PDE4D: variants seen among roughly 807,000 people sequenced by gnomAD.
The protein encoded by PDE4D is phosphodiesterase 4D.
PDE4D carries 24 observed loss-of-function variants against 87.4 expected under a neutral mutation model. That is an observed-to-expected ratio of 0.27 (90% CI 0.20 to 0.39). PDE4D has a LOEUF of 0.39. Among genes scored for constraint, PDE4D ranks in the 10% least tolerant of loss-of-function variants. The pLI is 1.00. For synonymous variants in PDE4D, 384 were observed against 383.2 expected (o/e 1.00, Z -0.02); for missense variants, 714 against 1,041.0 (o/e 0.69, Z 4.32).
At chr5:60,365,785 C>T (rs1039419961) in intron 1 of PDE4D, among the ~76,000 whole-genome samples, 5 of 151,954 alleles carry the variant, frequency 3.3e-5, no homozygotes, top group Admixed American at 1.3e-4. Flanking sequence ...GGCTCACCCC[C>T]GTAATCTCAG....
chr5:60,474,138 A>ATATG (rs1748114768), intron 1 of PDE4D, among the ~76,000 whole-genome samples: 1 of 96,622 alleles, frequency 1.0e-5, no homozygotes, highest in African/African-American at 6.8e-5. Flanking sequence ...ATATATATAT[A>ATATG]TATATATATA....
chr5:59,333,366 T>C (rs190434635), intron 1 of PDE4D, among the ~76,000 whole-genome samples: 52 of 152,242 alleles, frequency 3.4e-4, no homozygotes, highest in Admixed American at 2.7e-3. Flanking sequence ...ACATTAAAAA[T>C]TAGACAGAAA....
chr5:59,772,908 G>T (rs565271810), intron 1 of PDE4D, among the ~76,000 whole-genome samples: 2 of 152,292 alleles, frequency 1.3e-5, no homozygotes, highest in South Asian at 4.1e-4. Context: ...GTTACTAGTT[G>T]TGTTACTTTA....
chr5:59,000,751 C>T (rs953722693), intron 6 of PDE4D, among the ~76,000 whole-genome samples: 10 of 152,122 alleles, frequency 6.6e-5, no homozygotes, highest in Non-Finnish European at 8.8e-5. Context: ...TGCAGTAGTG[C>T]GATCTTGGCT....
At chr5:59,505,061 T>C (rs1809007806) in intron 1 of PDE4D, among the ~76,000 whole-genome samples, 2 of 152,086 alleles carry the variant, frequency 1.3e-5, no homozygotes, top group Admixed American at 6.6e-5. Flanking sequence ...ATCCACACAA[T>C]GGATACAACA....
At chr5:59,475,266 T>C (rs759213697) in intron 1 of PDE4D, among the ~76,000 whole-genome samples, 4 of 152,108 alleles carry the variant, frequency 2.6e-5, no homozygotes, top group Non-Finnish European at 4.4e-5. Flanking sequence ...AGTGGCTAAA[T>C]TATGTGTACC....
chr5:59,241,544 T>C (rs1239510779), intron 1 of PDE4D, among the ~76,000 whole-genome samples: 4 of 152,230 alleles, frequency 2.6e-5, no homozygotes, highest in Admixed American at 1.3e-4. Flanking sequence ...AGAATATTTG[T>C]TAAGCGCCCA....
At chr5:59,520,878 T>C (rs1056956950) in intron 1 of PDE4D, among the ~76,000 whole-genome samples, 1 of 151,634 alleles carries the variant, frequency 6.6e-6, no homozygotes, top group East Asian at 1.9e-4. Flanking sequence ...CACACACATA[T>C]ACATATATAC....
chr5:60,244,000 G>C (rs1583192626), intron 1 of PDE4D, among the ~76,000 whole-genome samples: 2 of 152,030 alleles, frequency 1.3e-5, no homozygotes, highest in South Asian at 4.1e-4. Flanking sequence ...AATTAGAAAG[G>C]AAGGAGTCAA....
chr5:60,142,738 T>C (rs1314173336), intron 2 of PDE4D, among the ~76,000 whole-genome samples: 1 of 152,230 alleles, frequency 6.6e-6, no homozygotes, highest in Non-Finnish European at 1.5e-5. Context: ...GTAAAATTAC[T>C]GTGGGTAGCA....
intron 1 of PDE4D, among the ~76,000 whole-genome samples, chr5:59,414,130 A>G (rs748517057): frequency 1.3e-5 from 2 of 152,242 alleles, no homozygotes; most frequent in Non-Finnish European, 2.9e-5. Flanking sequence ...AAAGTAACAG[A>G]GTTCACGTGC....
chr5:60,064,216 T>C (rs1771802498), intron 2 of PDE4D, among the ~76,000 whole-genome samples: 1 of 152,230 alleles, frequency 6.6e-6, no homozygotes, highest in East Asian at 1.9e-4. Context: ...TTACGGAGGG[T>C]TTACTGTGTA....
intron 1 of PDE4D, among the ~76,000 whole-genome samples, chr5:60,203,266 C>G (rs542328804): frequency 6.6e-6 from 1 of 152,166 alleles, no homozygotes; most frequent in Admixed American, 6.5e-5. Context: ...CCACCATGCC[C>G]GGCCTAGTGA....
chr5:60,289,240 T>A (rs1037244775), intron 1 of PDE4D, among the ~76,000 whole-genome samples: 1 of 152,176 alleles, frequency 6.6e-6, no homozygotes, highest in Non-Finnish European at 1.5e-5. Flanking sequence ...CTAAGTCTAA[T>A]GTAGGCTGTT....
At chr5:60,340,793 T>A (rs1758247788) in intron 1 of PDE4D, among the ~76,000 whole-genome samples, 1 of 151,954 alleles carries the variant, frequency 6.6e-6, no homozygotes, top group Admixed American at 6.6e-5. Flanking sequence ...TAAAGACAAA[T>A]AATAATAATA....
intron 1 of PDE4D, among the ~76,000 whole-genome samples, chr5:59,577,335 T>C (rs1358584915): frequency 2.6e-5 from 4 of 152,106 alleles, no homozygotes; most frequent in Non-Finnish European, 5.9e-5. Flanking sequence ...GTAGACAGGC[T>C]AAGGATATTC....
chr5:59,330,362 T>C (rs1776493757), intron 1 of PDE4D, among the ~76,000 whole-genome samples: 1 of 152,122 alleles, frequency 6.6e-6, no homozygotes, highest in African/African-American at 2.4e-5. Context: ...GTGAGATCGT[T>C]TGGACCCCAT....
rs138362836 is a variant in PDE4D, at chr5:59,744,989, T to C, written c.455+148179A>G. 5.9e-5 allele frequency among the ~76,000 whole-genome samples: 9 copies of C among 152,308 alleles called. No individual in the cohort carries two copies. In the East Asian group the frequency reaches 1.7e-3, roughly 29 times the overall value. The stretch of plus-strand genomic sequence containing the variant: ...TGAGTCAAAAAACAAGATGGACATA[T>C]GCCAAACAATTTTATGTGAAGGGTA... On this transcript the variant is annotated intron_variant, in intron 1 of 14. Transcript: ENST00000340635.
At chr5:59,774,393 C>A (rs920806076) in intron 1 of PDE4D, among the ~76,000 whole-genome samples, 50 of 151,954 alleles carry the variant, frequency 3.3e-4, no homozygotes, top group Admixed American at 7.2e-4. Flanking sequence ...TACATTCCAC[C>A]CAATTAAACA....
Sources: gnomAD v4.1 joint callset for allele counts (sites outside exome capture counted in the v4.1 genomes callset) on GRCh38, gnomAD v4.1.1 for gene constraint, MANE v1.5 for transcripts, NCBI Gene and HGNC (gene_info 2026-07-23, HGNC 2026-07-21) for gene names.